The following RP1 variants were observed in gnomAD, a reference collection of about 807,000 sequenced individuals.
RP1 encodes RP1 axonemal microtubule associated.
Under a neutral mutation model 14.8 loss-of-function variants are expected in RP1, and 16 were observed. The ratio of observed to expected loss-of-function variants is 1.08; its 90% CI spans 0.73 to 1.65. The LOEUF is 1.65. Among genes scored for constraint, RP1 ranks in the 40% most tolerant of loss-of-function variants. RP1 has a pLI of 0.00. For synonymous variants in RP1, 876 were observed against 883.6 expected (o/e 0.99, Z 0.15); for missense variants, 2,631 against 2,535.0 (o/e 1.04, Z -0.81).
intron 6 of RP1, among the ~76,000 whole-genome samples, chr8:54,662,520 G>T: frequency 6.6e-6 from 1 of 152,160 alleles, no homozygotes; most frequent in East Asian, 1.9e-4. Context: ...GCTCCAATGT[G>T]CTCTTCTTCC....
Position 54,624,665 on chromosome 8 carries a change from T to C in RP1, c.788-5T>C, listed in dbSNP as rs1563329392. The C allele has an allele frequency of 6.2e-7, 1 of 1,613,700 alleles. No homozygotes were observed. The highest frequency in any genetic ancestry group is 1.1e-5 in the South Asian group (1 of 91,050). ...GGGCACCTTTTACTCTTAAAATCTT[T>C]AAAGTAAGCACACATATGTCTTCAA... is the stretch of plus-strand genomic sequence containing the variant. On this transcript the variant is annotated splice_polypyrimidine_tract_variant and splice_region_variant and intron_variant, in intron 3 of 3. Coordinates refer to ENST00000220676, the MANE Select transcript of RP1 (RefSeq NM_006269.2).
rs1806229363 is a variant in RP1 at position 54,630,639 on chromosome 8, G to T, written c.*286G>T. On this transcript the variant is annotated 3_prime_UTR_variant, in exon 4 of 4. Coordinates refer to ENST00000220676, the MANE Select transcript of RP1 (RefSeq NM_006269.2). Reference sequence around the variant, plus strand: ...TGGTATCTATGATTTTTTTTGCTCAGGGCATCAAAATGTGCTAAGGACAAG... The same window carrying T: ...TGGTATCTATGATTTTTTTTGCTCATGGCATCAAAATGTGCTAAGGACAAG... 2 of 1,187,484 alleles carry T rather than the reference G, an allele frequency of 1.7e-6. No individual in the cohort carries two copies. The highest frequency in any genetic ancestry group is 2.0e-5 in the South Asian group (1 of 50,078). 73.6% of individuals were successfully genotyped at this position (1,187,484 alleles called of 1,614,324 possible).
intron 18 of RP1, among the ~76,000 whole-genome samples, chr8:54,736,413 A>G (rs1808922665): frequency 6.6e-6 from 1 of 152,184 alleles, no homozygotes; most frequent in South Asian, 2.1e-4. Context: ...GACGTTAAAT[A>G]GACTGATTAT....
intron 7 of RP1, among the ~76,000 whole-genome samples, chr8:54,669,852 G>A (rs1807109491): frequency 1.6e-5 from 2 of 128,418 alleles, no homozygotes; most frequent in African/African-American, 2.9e-5. Context: ...ACAGGGTGGG[G>A]AACATCACAC....
At chr8:54,842,709 C>A (rs1011643467) in intron 25 of RP1, among the ~76,000 whole-genome samples, 7 of 152,166 alleles carry the variant, frequency 4.6e-5, no homozygotes, top group Admixed American at 3.3e-4. Context: ...GCTTACAACC[C>A]TCCAAAGATT....
chr8:54,607,031 TC>T (rs1308702674), intron 1 of RP1, among the ~76,000 whole-genome samples: 2 of 152,216 alleles, frequency 1.3e-5, no homozygotes, highest in African/African-American at 4.8e-5. Flanking sequence ...TCTGAAGTCT[TC>T]TTCTCTCAAC....
At chr8:54,766,355 T>C (rs1416622022) in intron 22 of RP1, among the ~76,000 whole-genome samples, 1 of 152,112 alleles carries the variant, frequency 6.6e-6, no homozygotes, top group East Asian at 1.9e-4. Flanking sequence ...TCATTTAACT[T>C]TACTGATTTT....
chr8:54,793,283 C>T (rs903548795), intron 24 of RP1, among the ~76,000 whole-genome samples: 18 of 151,806 alleles, frequency 1.2e-4, no homozygotes, highest in African/African-American at 3.4e-4. Context: ...ATCTCAAACT[C>T]TTCTAAAAAA....
At chr8:54,664,241 T>C (rs1046656883) in intron 7 of RP1, among the ~76,000 whole-genome samples, 3 of 152,192 alleles carry the variant, frequency 2.0e-5, no homozygotes, top group African/African-American at 2.4e-5. Flanking sequence ...TAAGGCTGAA[T>C]AATACTCCAT....
chr8:54,706,052 T>A (rs1164175315), intron 14 of RP1, among the ~76,000 whole-genome samples: 1 of 152,228 alleles, frequency 6.6e-6, no homozygotes, highest in East Asian at 1.9e-4. Context: ...CATTCCTATA[T>A]GCATACATTT....
chr8:54,584,259 C>T (rs1804863965), intron 1 of RP1, among the ~76,000 whole-genome samples: 1 of 152,164 alleles, frequency 6.6e-6, no homozygotes, highest in Admixed American at 6.5e-5. Flanking sequence ...TCGTTATGTA[C>T]CCAGTAGTCA....
chr8:54,751,150 C>T (rs928411343), intron 19 of RP1, among the ~76,000 whole-genome samples: 14 of 152,202 alleles, frequency 9.2e-5, no homozygotes, highest in African/African-American at 2.9e-4. Flanking sequence ...CCGGACACAT[C>T]GCCACCCATT....
chr8:54,622,846 T>C (rs1478268007), intron 3 of RP1, among the ~76,000 whole-genome samples: 1 of 152,242 alleles, frequency 6.6e-6, no homozygotes, highest in East Asian at 1.9e-4. Context: ...TAGGATCTGC[T>C]GTGTAGCATT....
chr8:54,738,097 T>C (rs1808981184), intron 18 of RP1, among the ~76,000 whole-genome samples: 2 of 152,236 alleles, frequency 1.3e-5, no homozygotes, highest in Non-Finnish European at 2.9e-5. Flanking sequence ...AAGTTAGAGA[T>C]TGTGCCGTCA....
chr8:54,603,096 A>C (rs906219707), intron 1 of RP1, among the ~76,000 whole-genome samples: 1 of 152,082 alleles, frequency 6.6e-6, no homozygotes, highest in African/African-American at 2.4e-5. Flanking sequence ...GATGTTTTAG[A>C]CATGAAGTGC....
chr8:54,575,995 C>T (rs1446058666), intron 1 of RP1, among the ~76,000 whole-genome samples: 3 of 151,482 alleles, frequency 2.0e-5, no homozygotes, highest in Non-Finnish European at 4.4e-5. Context: ...CACCTGTGTG[C>T]TATTTATATA....
intron 1 of RP1, among the ~76,000 whole-genome samples, chr8:54,609,255 G>A (rs1805533785): frequency 6.6e-6 from 1 of 151,900 alleles, no homozygotes; most frequent in Admixed American, 6.6e-5. Flanking sequence ...GAGCCTAGGA[G>A]TTTGAGACCA....
intron 19 of RP1, among the ~76,000 whole-genome samples, chr8:54,753,194 A>G (rs983072856): frequency 6.6e-6 from 1 of 152,220 alleles, no homozygotes; most frequent in Non-Finnish European, 1.5e-5. Context: ...GCCTGGAGCA[A>G]GTAAAGATAC....
intron 24 of RP1, among the ~76,000 whole-genome samples, chr8:54,807,650 CT>C (rs1453657495): frequency 1.8e-5 from 1 of 54,996 alleles, no homozygotes; most frequent in African/African-American, 1.7e-4. Flanking sequence ...ATCTATCTAT[CT>C]ATCTATCTAT....
Sources: allele counts gnomAD v4.1 joint callset (sites outside exome capture counted in the v4.1 genomes callset), GRCh38; gene constraint gnomAD v4.1.1; transcripts MANE v1.5; gene names NCBI Gene and HGNC (gene_info 2026-07-23, HGNC 2026-07-21).